The following DCT variants were observed in gnomAD, a reference collection of about 807,000 sequenced individuals.
The protein encoded by DCT is L-dopachrome tautomerase.
In DCT, 47 loss-of-function variants were observed where a neutral mutation model predicts 53.0. The observed-to-expected ratio is 0.89, with a 90% confidence interval of 0.70 to 1.13. DCT has a LOEUF of 1.13. Among genes scored for constraint, DCT ranks in the 50% most tolerant of loss-of-function variants. The pLI is 0.00. For synonymous variants in DCT, 244 were observed against 237.0 expected (o/e 1.03, Z -0.27); for missense variants, 669 against 637.4 (o/e 1.05, Z -0.53).
rs756521089 is a variant in DCT at position 94,468,900 on chromosome 13, G to A, written c.441C>T (p.Leu147=). 1.9e-6 allele frequency: 3 copies of A among 1,614,000 alleles called. No homozygotes were observed. The highest frequency in any genetic ancestry group is 2.7e-5 in the African/African-American group (2 of 74,898). ...EREQFLGALD[L]AKKRVHPDYV... ...AGTCGGGGTGTACTCTCTTCTTCGC[G>A]AGATCTAAGGCGCCCAAGAACTGCT... Residue 147 remains leucine, a synonymous_variant, in exon 2 of 8, where the codon CTC becomes CTT. Transcript: ENST00000377028.
chr13:94,458,525 T>C (rs1285611747), intron 6 of DCT, among the ~76,000 whole-genome samples: 3 of 152,130 alleles, frequency 2.0e-5, no homozygotes, highest in African/African-American at 7.2e-5. Flanking sequence ...AACTAAAGAC[T>C]GGGCCCAGTG....
chr13:94,527,405 G>A, the DCT span, among the ~76,000 whole-genome samples: 1 of 152,138 alleles, frequency 6.6e-6, no homozygotes, highest in Non-Finnish European at 1.5e-5. Flanking sequence ...CAAACAGGCA[G>A]GTGCCCCCTG....
chr13:94,512,364 G>A, the DCT span, among the ~76,000 whole-genome samples: 1 of 152,124 alleles, frequency 6.6e-6, no homozygotes, highest in South Asian at 2.1e-4. Context: ...AAAGAAATTG[G>A]AAATATCATC....
At chr13:94,506,353 T>C in the DCT span, among the ~76,000 whole-genome samples, 3 of 152,276 alleles carry the variant, frequency 2.0e-5, no homozygotes, top group Non-Finnish European at 4.4e-5. Context: ...GAAACATTTT[T>C]TGATGCAAGA....
At chr13:94,469,729 T>G (rs562411838) in intron 1 of DCT, among the ~76,000 whole-genome samples, 102 of 152,246 alleles carry the variant, frequency 6.7e-4, no homozygotes, top group African/African-American at 2.4e-3. Flanking sequence ...CACAGAACAG[T>G]TCATTGATTT....
intron 1 of DCT, among the ~76,000 whole-genome samples, chr13:94,476,190 T>TTC (rs1161775207): frequency 2.1e-5 from 3 of 144,134 alleles, no homozygotes; most frequent in African/African-American, 8.1e-5. Context: ...CTTTTTTTTT[T>TTC]TTTTTTTTTT....
chr13:94,508,040 T>C, the DCT span, among the ~76,000 whole-genome samples: 6 of 152,210 alleles, frequency 3.9e-5, no homozygotes, highest in African/African-American at 1.4e-4. Flanking sequence ...ATGGCATACA[T>C]AGGCAAACCT....
chr13:94,478,098 G>A (rs1885215189), intron 1 of DCT, among the ~76,000 whole-genome samples: 3 of 152,126 alleles, frequency 2.0e-5, no homozygotes, highest in Admixed American at 2.0e-4. Context: ...GTGATGTCCG[G>A]TTCAAGTCCA....
At chr13:94,456,077 T>C (rs1485699875) in intron 6 of DCT, among the ~76,000 whole-genome samples, 1 of 152,204 alleles carries the variant, frequency 6.6e-6, no homozygotes, top group Non-Finnish European at 1.5e-5. Context: ...TTAAAATCAT[T>C]GAACAAAGCA....
chr13:94,462,042 A>T lies in DCT; in HGVS notation c.1011T>A (p.Pro337=). The T allele has an allele frequency of 6.2e-7, 1 of 1,613,360 alleles. No individual in the cohort carries two copies. Among genetic ancestry groups the T allele is most frequent in the South Asian group, 1.1e-5 (1 of 91,020 alleles). The part of the protein sequence containing the change: ...DCLSLQKFDN[P]PFFQNSTFSF... Reference sequence around the variant, plus strand: ...TGAAGGTAGAGTTCTGGAAGAAGGGAGGATTGTCAAACTTCTGGAGAGACA... The same window carrying T: ...TGAAGGTAGAGTTCTGGAAGAAGGGTGGATTGTCAAACTTCTGGAGAGACA... The change falls in exon 5 of 8, where the codon CCT becomes CCA. Residue 337 remains proline (P), a synonymous_variant. Coordinates refer to ENST00000377028, the MANE Select transcript of DCT (RefSeq NM_001922.5).
the DCT span, among the ~76,000 whole-genome samples, chr13:94,530,173 G>A: frequency 6.6e-6 from 1 of 152,102 alleles, no homozygotes; most frequent in Non-Finnish European, 1.5e-5. Context: ...AACAGTCCAG[G>A]ACCAGATGGA....
chr13:94,465,966 TTTTATATATATA>T (rs1884167464), intron 3 of DCT, among the ~76,000 whole-genome samples, 167 bp from the exon 4 acceptor site: 1 of 94,682 alleles, frequency 1.1e-5, no homozygotes, highest in South Asian at 4.1e-4. Flanking sequence ...TGTGTGTATA[TTTTATATATATA>T]TATATATATA....
intron 2 of DCT, chr13:94,467,333 C>A (rs1274728225): frequency 6.6e-6 from 1 of 151,988 alleles, no homozygotes; most frequent in Non-Finnish European, 1.5e-5. Flanking sequence ...TCCTTCTTCC[C>A]TTTTTCATAA....
At chr13:94,487,539 T>C in the DCT span, among the ~76,000 whole-genome samples, 1 of 152,310 alleles carries the variant, frequency 6.6e-6, no homozygotes, top group East Asian at 1.9e-4. Context: ...TGCCAGTCTA[T>C]GTGTTCAAAG....
At chr13:94,496,021 T>C in the DCT span, among the ~76,000 whole-genome samples, 1 of 152,264 alleles carries the variant, frequency 6.6e-6, no homozygotes, top group Admixed American at 6.5e-5. Flanking sequence ...TCTCTGCCTT[T>C]CTCTGCCCTA....
chr13:94,479,177 G>C lies in DCT; in HGVS notation c.79C>G (p.Arg27Gly). Residue 27 changes from arginine (R) to glycine (G), a missense_variant, in exon 1 of 8, where the codon CGA (arginine) becomes GGA (glycine). Arg to Gly is a moderately radical substitution (Grantham distance 125). Coordinates refer to ENST00000377028, the MANE Select transcript of DCT (RefSeq NM_001922.5). Reference protein sequence around the residue: ...ILPGAQGQFPRVCMTVDSLVN... With the variant: ...ILPGAQGQFPGVCMTVDSLVN... The stretch of plus-strand genomic sequence containing the variant: ...AGGCTGTCCACCGTCATGCAGACTC[G>C]GGGGAACTGACCCTGGGCTCCTGGC... 6.2e-7 allele frequency: 1 copy of C among 1,612,608 alleles called. No homozygotes were observed. The highest frequency in any genetic ancestry group is 8.5e-7 in the Non-Finnish European group (1 of 1,178,736).
Position 94,479,392 on chromosome 13 carries a change from A to T in DCT, c.-137T>A, listed in dbSNP as rs1036008912. 5.2e-5 allele frequency: 43 copies of T among 825,906 alleles called. No individual in the cohort carries two copies. In the Admixed American group the frequency reaches 1.2e-3, roughly 24 times the overall value. 51.2% of individuals were successfully genotyped at this position (825,906 alleles called of 1,614,324 possible). A position where few individuals can be genotyped will look rare whatever the true frequency, so the allele number is the denominator to read the frequency against. ...CTTTGCTTTCTATTCCTTTCTTCTTAAAAAAATACCCACAAGAATCACAGA... is the reference window on the plus strand; with the variant it reads ...CTTTGCTTTCTATTCCTTTCTTCTTTAAAAAATACCCACAAGAATCACAGA... On this transcript the variant is annotated 5_prime_UTR_variant, in exon 1 of 8. It introduces an in-frame stop codon into an upstream open reading frame of the 5' UTR. Transcript: ENST00000377028.
intron 1 of DCT, among the ~76,000 whole-genome samples, chr13:94,477,708 G>GTA (rs554888695): frequency 5.1e-4 from 78 of 152,008 alleles, no homozygotes; most frequent in African/African-American, 1.9e-3. Flanking sequence ...ACAGGCCTTT[G>GTA]TATGTTCCCT....
chr13:94,442,672 T>A (rs149551680), intron 7 of DCT, among the ~76,000 whole-genome samples: 1,709 of 152,258 alleles, frequency 0.011, 9 homozygotes, highest in Non-Finnish European at 0.014. Flanking sequence ...AAACATGACT[T>A]TAAAAACAGT....
Sources: allele counts gnomAD v4.1 joint callset (sites outside exome capture counted in the v4.1 genomes callset), GRCh38; gene constraint gnomAD v4.1.1; transcripts MANE v1.5; gene names NCBI Gene and HGNC (gene_info 2026-07-23, HGNC 2026-07-21).